Variants in MAGI2 observed in about 807,000 individuals in gnomAD.
MAGI2 encodes membrane associated guanylate kinase, WW and PDZ domain containing 2.
Under a neutral mutation model 133.3 loss-of-function variants are expected in MAGI2, and 35 were observed. That is an observed-to-expected ratio of 0.26 (90% confidence interval 0.20 to 0.35). MAGI2 has a LOEUF of 0.35. MAGI2 is among the 10% of genes least tolerant of loss of function. The pLI, the probability that MAGI2 is intolerant of heterozygous loss-of-function variation, is 1.00. For synonymous variants in MAGI2, 729 were observed against 710.6 expected (o/e 1.03, Z -0.41); for missense variants, 1,636 against 1,863.4 (o/e 0.88, Z 2.25).
At chr7:78,223,567 A>G (rs879648547) in intron 10 of MAGI2, among the ~76,000 whole-genome samples, 4 of 152,226 alleles carry the variant, frequency 2.6e-5, no homozygotes, top group Admixed American at 2.0e-4. Context: ...AAGAAATAGT[A>G]ACCAATAAAC....
chr7:79,117,180 T>A (rs1257259846), intron 1 of MAGI2, among the ~76,000 whole-genome samples: 1 of 152,218 alleles, frequency 6.6e-6, no homozygotes, highest in African/African-American at 2.4e-5. Flanking sequence ...AATGGAAATT[T>A]AAATTTTCCT....
intron 2 of MAGI2, among the ~76,000 whole-genome samples, chr7:78,677,038 T>C (rs321972): frequency 0.18 from 27,139 of 152,012 alleles, 2,674 homozygotes; most frequent in East Asian, 0.41. Flanking sequence ...GTTTAAACAG[T>C]TTTTTTCTTT....
At chr7:79,245,430 T>C (rs138983784) in intron 1 of MAGI2, among the ~76,000 whole-genome samples, 1 of 152,152 alleles carries the variant, frequency 6.6e-6, no homozygotes, top group Non-Finnish European at 1.5e-5. Context: ...AGGCCTGGCA[T>C]CATTCACCAG....
chr7:78,499,403 T>A (rs1473722079), intron 5 of MAGI2, among the ~76,000 whole-genome samples: 1 of 152,206 alleles, frequency 6.6e-6, no homozygotes, highest in East Asian at 1.9e-4. Flanking sequence ...TTATAACTAT[T>A]TGTCTCTCTT....
intron 2 of MAGI2, among the ~76,000 whole-genome samples, chr7:78,903,750 G>A (rs749685621): frequency 1.3e-5 from 2 of 152,056 alleles, no homozygotes; most frequent in South Asian, 2.1e-4. Flanking sequence ...GTGTGTGTGC[G>A]TGTGTGCATA....
chr7:78,221,762 G>T (rs1288511597), intron 10 of MAGI2, among the ~76,000 whole-genome samples: 1 of 151,804 alleles, frequency 6.6e-6, no homozygotes, highest in Non-Finnish European at 1.5e-5. Context: ...AGAGGCTGAG[G>T]TGAAAGGATC....
chr7:79,261,675 A>T (rs180873841), intron 1 of MAGI2, among the ~76,000 whole-genome samples: 1 of 152,102 alleles, frequency 6.6e-6, no homozygotes, highest in Non-Finnish European at 1.5e-5. Flanking sequence ...TTAGCCTCAC[A>T]TTGTCTAGAT....
intron 10 of MAGI2, among the ~76,000 whole-genome samples, chr7:78,230,002 G>A (rs34121955): frequency 0.15 from 22,601 of 152,198 alleles, 2,240 homozygotes; most frequent in Middle Eastern, 0.25. Context: ...CAGTGCCTAC[G>A]TTAACTGTTA....
In MAGI2 at chr7:79,430,469, A is replaced by T. The variant is rs539978343; in HGVS notation, c.301+22551T>A. On this transcript the variant is annotated intron_variant, in intron 1 of 21. Transcript: ENST00000354212. Reference sequence around the variant, plus strand: ...CTTTGTGTACTTAGTAATAGAGAAAAAACTGTCTTCTGCCATAAAGCTACT... The same window carrying T: ...CTTTGTGTACTTAGTAATAGAGAAATAACTGTCTTCTGCCATAAAGCTACT... 6.6e-5 allele frequency among the ~76,000 whole-genome samples: 10 copies of T among 152,356 alleles called. No homozygotes were observed. The South Asian group carries it at 1.9e-3, about 28-fold the overall frequency.
intron 2 of MAGI2, among the ~76,000 whole-genome samples, chr7:78,769,258 T>C (rs1029931734): frequency 9.5e-6 from 1 of 105,050 alleles, no homozygotes; most frequent in Non-Finnish European, 2.1e-5. Flanking sequence ...CAGGCAAATA[T>C]CTATTTTTTT....
Position 78,019,083 on chromosome 7 carries a change from C to A in MAGI2, c.*232G>T. Reference sequence around the variant, plus strand: ...TCACGTTATTTTGGTTCTTCCATAGCTGCCAAAGCCCCCACAAGGGAACCG... The same window carrying A: ...TCACGTTATTTTGGTTCTTCCATAGATGCCAAAGCCCCCACAAGGGAACCG... On this transcript the variant is annotated 3_prime_UTR_variant, in exon 22 of 22. Coordinates refer to ENST00000354212, the MANE Select transcript of MAGI2 (RefSeq NM_012301.4). 1 of 462,208 alleles carries A rather than the reference C, an allele frequency of 2.2e-6. No individual in the cohort carries two copies. Among genetic ancestry groups the A allele is most frequent in the East Asian group, 3.5e-5 (1 of 28,372 alleles). 28.6% of individuals were successfully genotyped at this position (462,208 alleles called of 1,614,324 possible). A position where few individuals can be genotyped will look rare whatever the true frequency, so the allele number is the denominator to read the frequency against.
intron 1 of MAGI2, among the ~76,000 whole-genome samples, chr7:79,057,646 T>C (rs1813273621): frequency 6.6e-6 from 1 of 152,132 alleles, no homozygotes; most frequent in African/African-American, 2.4e-5. Context: ...ATCTTATCGG[T>C]CTTGAGGTAT....
At chr7:79,078,052 A>C (rs1164761991) in intron 1 of MAGI2, among the ~76,000 whole-genome samples, 1 of 152,220 alleles carries the variant, frequency 6.6e-6, no homozygotes, top group Non-Finnish European at 1.5e-5. Flanking sequence ...GCAGCAATGT[A>C]TGAAGATGTA....
At chr7:78,429,389 AG>A (rs144521789) in intron 6 of MAGI2, among the ~76,000 whole-genome samples, 19,557 of 151,958 alleles carry the variant, frequency 0.13, 1,423 homozygotes, top group African/African-American at 0.2. Flanking sequence ...TAGGCTGAGG[AG>A]GGCTTACAGG....
intron 2 of MAGI2, among the ~76,000 whole-genome samples, chr7:78,759,029 T>C (rs1259929484): frequency 1.3e-5 from 2 of 152,190 alleles, no homozygotes. Flanking sequence ...ACATAGTAGA[T>C]ATTGAATCTT....
intron 1 of MAGI2, among the ~76,000 whole-genome samples, chr7:79,348,844 A>G (rs1453728697): frequency 6.6e-6 from 1 of 151,960 alleles, no homozygotes; most frequent in Non-Finnish European, 1.5e-5. Context: ...AACATAAAAT[A>G]TATGTGCATT....
At chr7:78,297,970 G>A (rs1584775617) in intron 9 of MAGI2, among the ~76,000 whole-genome samples, 1 of 129,784 alleles carries the variant, frequency 7.7e-6, no homozygotes, top group African/African-American at 3.3e-5. Context: ...ATGTACCCTA[G>A]AACTTAAAGT....
intron 1 of MAGI2, among the ~76,000 whole-genome samples, chr7:79,305,121 T>C (rs1361630416): frequency 6.6e-6 from 1 of 152,194 alleles, no homozygotes. Context: ...AACATTATCT[T>C]ACATTATCAT....
At chr7:78,694,755 G>A (rs1585110249) in intron 2 of MAGI2, among the ~76,000 whole-genome samples, 2 of 152,230 alleles carry the variant, frequency 1.3e-5, no homozygotes, top group East Asian at 1.9e-4. Context: ...GGCCAATACC[G>A]CTTTCTCCGT....
Sources: gnomAD v4.1 joint callset for allele counts (sites outside exome capture counted in the v4.1 genomes callset) on GRCh38, gnomAD v4.1.1 for gene constraint, MANE v1.5 for transcripts, NCBI Gene and HGNC (gene_info 2026-07-23, HGNC 2026-07-21) for gene names.